PRPF18: variants seen among roughly 807,000 people sequenced by gnomAD.
PRPF18 encodes pre-mRNA processing factor 18, also known as pre-mRNA-splicing factor 18.
In PRPF18, 38 loss-of-function variants were observed where a neutral mutation model predicts 46.5. That is an observed-to-expected ratio of 0.82 (90% CI 0.63 to 1.07). The LOEUF is 1.07. PRPF18 is among the 50% of genes least tolerant of loss of function. The probability of loss-of-function intolerance (pLI) is 0.00; values close to 1 mark genes in which losing one functional copy is unlikely to be tolerated. For missense variants in PRPF18, 263 were observed against 410.0 expected (o/e 0.64, Z 3.10); for synonymous variants, 152 against 146.7 (o/e 1.04, Z -0.26).
At chr10:13,628,645 A>G (rs1400469827) in intron 9 of PRPF18, among the ~76,000 whole-genome samples, 1 of 152,116 alleles carries the variant, frequency 6.6e-6, no homozygotes, top group Non-Finnish European at 1.5e-5. Context: ...ACTGTGATTA[A>G]TATTTGTGTT....
intron 3 of PRPF18, among the ~76,000 whole-genome samples, chr10:13,602,202 G>A (rs1589123222): frequency 6.6e-6 from 1 of 152,148 alleles, no homozygotes; most frequent in Non-Finnish European, 1.5e-5. Context: ...CCAAACTGAT[G>A]GGTGAAATAG....
intron 4 of PRPF18, among the ~76,000 whole-genome samples, chr10:13,607,988 T>C (rs878947358): frequency 6.6e-6 from 1 of 152,224 alleles, no homozygotes; most frequent in Admixed American, 6.5e-5. Context: ...TTGCTAACTT[T>C]TTATCTACTT....
chr10:13,623,519 T>C (rs1028144201), intron 9 of PRPF18, among the ~76,000 whole-genome samples: 17 of 152,214 alleles, frequency 1.1e-4, no homozygotes, highest in Non-Finnish European at 1.5e-5. Context: ...GGATTTGTGC[T>C]TTCCTCTTTA....
rs71721771 is a variant in PRPF18, at chr10:13,590,441, CA to C, written c.66+3301del. On this transcript the variant is annotated intron_variant, in intron 1 of 9. Transcript: ENST00000378572. ...TGAAACCCCATCTCTACTGAAAATA[CA>C]AAAAAAAAAAATATATATATATATA... 4.2e-3 allele frequency among the ~76,000 whole-genome samples: 563 copies of C among 134,958 alleles called. 2 individuals are homozygous for C. Among genetic ancestry groups the C allele is most frequent in the South Asian group, 6.7e-3 (27 of 4,044 alleles). 88.5% of individuals were successfully genotyped at this position (134,958 alleles called of 152,430 possible). A position where few individuals can be genotyped will look rare whatever the true frequency, so the allele number is the denominator to read the frequency against.
At chr10:13,606,700 A>C (rs977452260) in intron 4 of PRPF18, among the ~76,000 whole-genome samples, 2 of 129,930 alleles carry the variant, frequency 1.5e-5, no homozygotes, top group Non-Finnish European at 3.1e-5. Flanking sequence ...GTGCCACTGC[A>C]CTCCAGCCTG....
At chr10:13,615,374 T>C (rs550326787) in intron 8 of PRPF18, among the ~76,000 whole-genome samples, 3 of 152,376 alleles carry the variant, frequency 2.0e-5, no homozygotes, top group African/African-American at 4.8e-5. Flanking sequence ...GGAAACTAAA[T>C]ATTGCAGTTT....
intron 1 of PRPF18, among the ~76,000 whole-genome samples, chr10:13,592,622 G>T (rs766605860): frequency 6.6e-6 from 1 of 152,172 alleles, no homozygotes; most frequent in Non-Finnish European, 1.5e-5. Context: ...TGCCCTGCCT[G>T]GTGTAACCAC....
the PRPF18 span, chr10:13,648,379 G>C: frequency 6.6e-6 from 1 of 152,178 alleles, no homozygotes; most frequent in East Asian, 1.9e-4. Flanking sequence ...ACTTCTAATG[G>C]GAGAGGTGGT....
intron 1 of PRPF18, among the ~76,000 whole-genome samples, chr10:13,595,263 T>A (rs2080017224): frequency 6.6e-6 from 1 of 152,214 alleles, no homozygotes; most frequent in African/African-American, 2.4e-5. Context: ...AGAGCCTCTG[T>A]GGACCACATT....
chr10:13,651,245 G>A, the PRPF18 span: 1 of 152,286 alleles, frequency 6.6e-6, no homozygotes, highest in African/African-American at 2.4e-5. Context: ...ATTTGGAAAA[G>A]CAGTGCTCAT....
rs893718940 is a variant in PRPF18 at position 13,586,996 on chromosome 10, C to T, written c.-91C>T. On this transcript the variant is annotated 5_prime_UTR_variant, in exon 1 of 10. Coordinates refer to ENST00000378572, the MANE Select transcript of PRPF18 (RefSeq NM_003675.4). ...TCTCAGGTGTTTGGGCTTGTTGTTC[C>T]GTATACTCAGTGGGTTCGCGGCCGC... 4.6e-6 allele frequency: 6 copies of T among 1,309,836 alleles called. No homozygotes were observed. Among genetic ancestry groups the T allele is most frequent in the African/African-American group, 4.4e-5 (3 of 68,670 alleles). The allele number at this position is 1,309,836 out of a possible 1,614,324, so 81.1% of individuals were successfully genotyped here. A position where few individuals can be genotyped will look rare whatever the true frequency, so the allele number is the denominator to read the frequency against.
downstream of PRPF18, among the ~76,000 whole-genome samples, chr10:13,635,155 C>T (rs924537890): frequency 5.3e-5 from 8 of 152,174 alleles, no homozygotes; most frequent in Non-Finnish European, 8.8e-5. Context: ...ATTTGCTTTG[C>T]TGTTTCTGTG....
At chr10:13,655,792 A>ATGTT in the PRPF18 span, 2 of 152,078 alleles carry the variant, frequency 1.3e-5, no homozygotes, top group African/African-American at 4.8e-5. Flanking sequence ...TATTCTTATG[A>ATGTT]TGTTTACCAT....
the PRPF18 span, among the ~76,000 whole-genome samples, chr10:13,653,637 A>G: frequency 6.6e-6 from 1 of 152,222 alleles, no homozygotes; most frequent in Non-Finnish European, 1.5e-5. Flanking sequence ...GGAACCAGAC[A>G]AACCGAGGAA....
chr10:13,629,859 A>G (rs2080569453), intron 9 of PRPF18, among the ~76,000 whole-genome samples: 1 of 152,210 alleles, frequency 6.6e-6, no homozygotes, highest in Admixed American at 6.5e-5. Flanking sequence ...GTTACATACA[A>G]TGGATGCCTT....
intron 1 of PRPF18, among the ~76,000 whole-genome samples, chr10:13,590,050 G>T (rs1274940022): frequency 2.6e-5 from 4 of 151,490 alleles, no homozygotes; most frequent in Non-Finnish European, 5.9e-5. Flanking sequence ...CACCCTCAAG[G>T]TTCACAACAT....
At chr10:13,648,128 C>T in the PRPF18 span, 1 of 152,192 alleles carries the variant, frequency 6.6e-6, no homozygotes, top group African/African-American at 2.4e-5. Context: ...GCCTTAAAAT[C>T]CATGAAAGCT....
At chr10:13,599,121 G>T (rs1026282682) in intron 2 of PRPF18, among the ~76,000 whole-genome samples, 3 of 152,122 alleles carry the variant, frequency 2.0e-5, no homozygotes, top group African/African-American at 7.2e-5. Context: ...AAGCACAGGT[G>T]TTTCTTTCTA....
downstream of PRPF18, chr10:13,632,482 G>A (rs1306573698): frequency 1.3e-5 from 2 of 152,070 alleles, no homozygotes; most frequent in Admixed American, 6.6e-5. Context: ...AGTACTCTCC[G>A]AGTTACTTTT....
Sources: gnomAD v4.1 joint callset for allele counts (sites outside exome capture counted in the v4.1 genomes callset) on GRCh38, gnomAD v4.1.1 for gene constraint, MANE v1.5 for transcripts, NCBI Gene and HGNC (gene_info 2026-07-23, HGNC 2026-07-21) for gene names.